Variants in ARB2A observed in about 807,000 individuals in gnomAD.
ARB2A encodes the protein cotranscriptional regulator ARB2A.
chr5:93,873,888 G>A, the ARB2A span, among the ~76,000 whole-genome samples: 1 of 152,156 alleles, frequency 6.6e-6, no homozygotes, highest in African/African-American at 2.4e-5. Context: ...GCTCAGCTCA[G>A]CTCTTCAGGG....
chr5:93,775,746 G>T, the ARB2A span, among the ~76,000 whole-genome samples: 3 of 152,184 alleles, frequency 2.0e-5, no homozygotes, highest in African/African-American at 7.2e-5. Context: ...ATCTTTGCAT[G>T]AAGTATTTTT....
chr5:93,681,702 G>A, the ARB2A span, among the ~76,000 whole-genome samples: 3 of 152,022 alleles, frequency 2.0e-5, no homozygotes, highest in African/African-American at 7.2e-5. Context: ...CATTGCATAA[G>A]TTCACCGAGG....
the ARB2A span, among the ~76,000 whole-genome samples, chr5:93,946,552 T>C: frequency 6.6e-6 from 1 of 152,178 alleles, no homozygotes; most frequent in Admixed American, 6.5e-5. Context: ...GTAGTAGTAC[T>C]GTAAAGCTTG....
chr5:93,619,840 TGA>T, the ARB2A span: 1 of 152,204 alleles, frequency 6.6e-6, no homozygotes, highest in African/African-American at 2.4e-5. Context: ...ACCATTGGAC[TGA>T]GAGAAGAAAT....
At chr5:93,646,740 G>T in the ARB2A span, among the ~76,000 whole-genome samples, 1 of 151,536 alleles carries the variant, frequency 6.6e-6, no homozygotes, top group Non-Finnish European at 1.5e-5. Context: ...GATGTGATTC[G>T]AATGTTTCAG....
chr5:93,787,557 A>G, the ARB2A span, among the ~76,000 whole-genome samples: 1 of 152,326 alleles, frequency 6.6e-6, no homozygotes, highest in African/African-American at 2.4e-5. Flanking sequence ...TTTGTGGATA[A>G]GTAAACTGAG....
the ARB2A span, among the ~76,000 whole-genome samples, chr5:93,627,784 C>T: frequency 6.6e-6 from 1 of 152,112 alleles, no homozygotes; most frequent in African/African-American, 2.4e-5. Context: ...GTTGAAACTA[C>T]TCCTTGGTCC....
At chr5:93,932,005 G>A in the ARB2A span, among the ~76,000 whole-genome samples, 1 of 152,028 alleles carries the variant, frequency 6.6e-6, no homozygotes, top group Non-Finnish European at 1.5e-5. Flanking sequence ...TATAAATAAA[G>A]CACATTTTGA....
At chr5:94,039,943 T>A in the ARB2A span, among the ~76,000 whole-genome samples, 1 of 151,978 alleles carries the variant, frequency 6.6e-6, no homozygotes, top group Non-Finnish European at 1.5e-5. Context: ...GGTAAGTGGT[T>A]GGGTACCCGA....
chr5:93,827,213 C>T, the ARB2A span, among the ~76,000 whole-genome samples: 1 of 152,190 alleles, frequency 6.6e-6, no homozygotes, highest in Admixed American at 6.5e-5. Context: ...GTCCCACCAA[C>T]AGTGTAAAAG....
At chr5:94,026,705 G>A in the ARB2A span, among the ~76,000 whole-genome samples, 1 of 152,180 alleles carries the variant, frequency 6.6e-6, no homozygotes, top group Admixed American at 6.5e-5. Context: ...TCTCAATCTG[G>A]TCCCTGGATT....
the ARB2A span, among the ~76,000 whole-genome samples, chr5:93,643,589 G>A: frequency 6.6e-6 from 1 of 152,074 alleles, no homozygotes; most frequent in African/African-American, 2.4e-5. Context: ...CCGCCTCCTG[G>A]GTTCAAGTGA....
the ARB2A span, among the ~76,000 whole-genome samples, chr5:93,884,939 G>T: frequency 6.6e-6 from 1 of 151,392 alleles, no homozygotes; most frequent in Non-Finnish European, 1.5e-5. Context: ...TCTTTTCTCT[G>T]TCATATGTAA....
At chr5:93,933,127 G>T in the ARB2A span, among the ~76,000 whole-genome samples, 1 of 152,164 alleles carries the variant, frequency 6.6e-6, no homozygotes, top group African/African-American at 2.4e-5. Flanking sequence ...AGTTAGAATG[G>T]CAATCATTAA....
At chr5:93,793,046 A>C in the ARB2A span, among the ~76,000 whole-genome samples, 1 of 151,706 alleles carries the variant, frequency 6.6e-6, no homozygotes, top group African/African-American at 2.4e-5. Context: ...CCACATTCAC[A>C]TAATTAGTGG....
chr5:93,846,179 G>C, the ARB2A span, among the ~76,000 whole-genome samples: 2 of 152,126 alleles, frequency 1.3e-5, no homozygotes, highest in Non-Finnish European at 2.9e-5. Context: ...GGAAAGCAAA[G>C]CTTTGGAAAC....
chr5:93,793,069 AT>A, the ARB2A span, among the ~76,000 whole-genome samples: 1 of 151,222 alleles, frequency 6.6e-6, no homozygotes, highest in South Asian at 2.1e-4. Context: ...GCATAGCTAG[AT>A]TTTTTTATTT....
At chr5:93,764,930 C>A in the ARB2A span, among the ~76,000 whole-genome samples, 58 of 152,228 alleles carry the variant, frequency 3.8e-4, no homozygotes, top group African/African-American at 1.2e-3. Flanking sequence ...ATACACAGAA[C>A]CAACAACAAA....
chr5:93,781,725 G>T, the ARB2A span: 1 of 179,654 alleles, frequency 5.6e-6, no homozygotes, highest in Non-Finnish European at 1.1e-5. Flanking sequence ...CATTCTGATT[G>T]GTGTGAGATG....
Sources: allele counts gnomAD v4.1 joint callset (sites outside exome capture counted in the v4.1 genomes callset), GRCh38; gene constraint gnomAD v4.1.1; transcripts MANE v1.5; gene names NCBI Gene and HGNC (gene_info 2026-07-23, HGNC 2026-07-21).